Variants in GPR19 observed in about 807,000 individuals in gnomAD.
GPR19 encodes G protein-coupled receptor 19, also known as probable G protein-coupled receptor 19.
GPR19 carries 14 observed loss-of-function variants against 28.5 expected under a neutral mutation model. The observed-to-expected ratio is 0.49, with a 90% CI of 0.32 to 0.77. The LOEUF (loss-of-function observed/expected upper bound fraction) is 0.77. GPR19 is among the 30% of genes least tolerant of loss of function. The pLI is 0.03. For missense variants in GPR19, 409 were observed against 504.1 expected (o/e 0.81, Z 1.81); for synonymous variants, 173 against 184.1 (o/e 0.94, Z 0.49).
At chr12:12,672,023 G>A (rs1456069451) in intron 3 of GPR19, among the ~76,000 whole-genome samples, 2 of 152,232 alleles carry the variant, frequency 1.3e-5, no homozygotes, top group African/African-American at 4.8e-5. Flanking sequence ...GTGTCATTAT[G>A]AGAAGGGCCG....
intron 2 of GPR19, among the ~76,000 whole-genome samples, chr12:12,694,300 G>A (rs1165021663): frequency 1.4e-5 from 2 of 140,284 alleles, no homozygotes; most frequent in Non-Finnish European, 3.0e-5. Context: ...CCGGGTTCAC[G>A]CCATTCTCCT....
chr12:12,666,708 T>G (rs1945785185), intron 3 of GPR19, among the ~76,000 whole-genome samples: 1 of 152,228 alleles, frequency 6.6e-6, no homozygotes, highest in Admixed American at 6.5e-5. Context: ...TATTCGATGT[T>G]TACTAAATTG....
At chr12:12,694,439 G>A (rs983307207) in intron 2 of GPR19, among the ~76,000 whole-genome samples, 1 of 150,070 alleles carries the variant, frequency 6.7e-6, no homozygotes, top group Admixed American at 6.6e-5. Flanking sequence ...ATCTCCTGAC[G>A]TTGTGATCCG....
intron 3 of GPR19, among the ~76,000 whole-genome samples, chr12:12,683,191 C>T (rs1946047553): frequency 6.6e-6 from 1 of 152,080 alleles, no homozygotes; most frequent in Non-Finnish European, 1.5e-5. Context: ...CGTTTTACTA[C>T]AGAGATCTAT....
chr12:12,678,073 CAAAAAAAAAAA>C (rs56014911), intron 3 of GPR19, among the ~76,000 whole-genome samples: 2 of 46,098 alleles, frequency 4.3e-5, no homozygotes, highest in Admixed American at 2.7e-4. Context: ...GACTCTGTCT[CAAAAAAAAAAA>C]AAAAAAAAAA....
intron 3 of GPR19, among the ~76,000 whole-genome samples, chr12:12,672,350 T>A (rs1945865289): frequency 6.6e-6 from 1 of 152,196 alleles, no homozygotes; most frequent in Non-Finnish European, 1.5e-5. Context: ...GAGTTCCGTG[T>A]ATACAGGACA....
the GPR19 span, among the ~76,000 whole-genome samples, chr12:12,707,855 A>G: frequency 1.3e-5 from 2 of 151,790 alleles, no homozygotes; most frequent in East Asian, 1.9e-4. Context: ...AAGTGCTGGC[A>G]TTACAGGCAT....
chr12:12,665,851 AAACAAAGAT>A (rs1945769537), intron 3 of GPR19, among the ~76,000 whole-genome samples: 1 of 150,748 alleles, frequency 6.6e-6, no homozygotes, highest in Non-Finnish European at 1.5e-5. Context: ...AAAAAAAAGA[AAACAAAGAT>A]ACGTAAGCAG....
chr12:12,710,377 A>G, the GPR19 span, among the ~76,000 whole-genome samples: 1 of 148,230 alleles, frequency 6.7e-6, no homozygotes, highest in Non-Finnish European at 1.5e-5. Flanking sequence ...AAAATACCAC[A>G]TGCATCCTTA....
At chr12:12,670,847 G>A (rs1566142873) in intron 3 of GPR19, among the ~76,000 whole-genome samples, 1 of 149,844 alleles carries the variant, frequency 6.7e-6, no homozygotes, top group African/African-American at 2.4e-5. Flanking sequence ...TGTTTTTAAG[G>A]GGGAAATCAT....
At chr12:12,717,030 G>A in the GPR19 span, 57 of 1,003,178 alleles carry the variant, frequency 5.7e-5, no homozygotes, top group Non-Finnish European at 6.8e-5. Flanking sequence ...TCGGGGCTTA[G>A]GCGCCGCGGC....
chr12:12,677,213 T>C (rs1318294407), intron 3 of GPR19, among the ~76,000 whole-genome samples: 2 of 151,038 alleles, frequency 1.3e-5, no homozygotes, highest in African/African-American at 4.9e-5. Context: ...AATTTTTTTT[T>C]TTTTTTTTTT....
At chr12:12,692,029 A>C (rs994225278) in intron 2 of GPR19, among the ~76,000 whole-genome samples, 2 of 152,258 alleles carry the variant, frequency 1.3e-5, no homozygotes, top group African/African-American at 4.8e-5. Context: ...CAGTGTGGCC[A>C]CTTCTCTTTT....
At chr12:12,714,894 T>C in the GPR19 span, among the ~76,000 whole-genome samples, 1 of 152,238 alleles carries the variant, frequency 6.6e-6, no homozygotes, top group Non-Finnish European at 1.5e-5. Context: ...GTGAGGTCGA[T>C]GTAAGCACAG....
the GPR19 span, among the ~76,000 whole-genome samples, chr12:12,705,115 C>CCTTTT: frequency 7.3e-6 from 1 of 136,624 alleles, no homozygotes; most frequent in Non-Finnish European, 1.5e-5. Context: ...AGAAATGCAT[C>CCTTTT]TTTTTTTTTT....
intron 3 of GPR19, among the ~76,000 whole-genome samples, chr12:12,681,384 C>T (rs766052517): frequency 1.3e-5 from 2 of 152,288 alleles, no homozygotes; most frequent in Middle Eastern, 6.8e-3. Context: ...CTGCTTTCAC[C>T]CCTCACCTCT....
At chr12:12,697,571 TTGAA>T (rs1444230552), upstream of GPR19, among the ~76,000 whole-genome samples, 1 of 152,216 alleles carries the variant, frequency 6.6e-6, no homozygotes, top group Non-Finnish European at 1.5e-5. Context: ...TGTTATGTTT[TTGAA>T]TGGTGAATTT....
chr12:12,694,424 T>C (rs1426235336), intron 2 of GPR19, among the ~76,000 whole-genome samples: 2 of 151,290 alleles, frequency 1.3e-5, no homozygotes, highest in African/African-American at 4.9e-5. Flanking sequence ...GCCAGGATGG[T>C]CTCGATCTCC....
At chr12:12,708,309 C>T in the GPR19 span, among the ~76,000 whole-genome samples, 1 of 152,090 alleles carries the variant, frequency 6.6e-6, no homozygotes, top group African/African-American at 2.4e-5. Context: ...TAGTTCATTA[C>T]ATTTTACTTG....
Sources: allele counts gnomAD v4.1 joint callset (sites outside exome capture counted in the v4.1 genomes callset), GRCh38; gene constraint gnomAD v4.1.1; transcripts MANE v1.5; gene names NCBI Gene and HGNC (gene_info 2026-07-23, HGNC 2026-07-21).